Variants in MYH11 observed in about 807,000 individuals in gnomAD.
MYH11 encodes myosin-11.
A neutral mutation model predicts 246.6 loss-of-function variants in MYH11; 80 were observed. The ratio of observed to expected loss-of-function variants is 0.32; its 90% CI spans 0.27 to 0.39. MYH11 has a LOEUF of 0.39. Among genes scored for constraint, MYH11 ranks in the 10% least tolerant of loss-of-function variants. The pLI is 1.00. For missense variants in MYH11, 2,158 were observed against 2,546.8 expected (o/e 0.85, Z 3.29); for synonymous variants, 1,071 against 1,015.5 (o/e 1.05, Z -1.04).
In MYH11 at chr16:15,721,096, T is replaced by C. The variant is rs770360764; in HGVS notation, c.4579-45A>G. On this transcript the variant is annotated intron_variant, in intron 32 of 40. Coordinates refer to ENST00000300036, the MANE Select transcript of MYH11 (RefSeq NM_002474.3). ...CCCCATTCTATGAGGCTCAACTTCA[T>C]GAAGACGATTGAGAAACCCACCGTG... is the stretch of plus-strand genomic sequence containing the variant. 10 of 1,602,024 alleles carry C rather than the reference T, an allele frequency of 6.2e-6. No individual in the cohort carries two copies. The African/African-American group carries it at 6.7e-5, about 11-fold the overall frequency.
At chr16:15,720,033 A>T in intron 34 of MYH11, 118 bp downstream of exon 34, 1 of 1,390,982 alleles carries the variant, frequency 7.2e-7, no homozygotes. Flanking sequence ...ACCCCAGCTG[A>T]ACCCACACCA....
At chr16:15,732,036 A>G (rs763554718) in intron 27 of MYH11, among the ~76,000 whole-genome samples, 3 of 151,912 alleles carry the variant, frequency 2.0e-5, no homozygotes, top group Non-Finnish European at 4.4e-5. Flanking sequence ...ATCTCTGCTC[A>G]CTGCAACCTC....
intron 37 of MYH11, 74 bp downstream of exon 37, chr16:15,718,241 G>A: frequency 6.2e-7 from 1 of 1,600,734 alleles, no homozygotes; most frequent in Non-Finnish European, 8.5e-7. Flanking sequence ...CGCCACGCGT[G>A]TGTTGACTGG....
chr16:15,841,514 A>C (rs932232030), intron 1 of MYH11, among the ~76,000 whole-genome samples: 1 of 152,204 alleles, frequency 6.6e-6, no homozygotes, highest in Non-Finnish European at 1.5e-5. Flanking sequence ...TTTTCTATAC[A>C]AATTGTTCCT....
chr16:15,755,614 C>T (rs974993627), intron 14 of MYH11, among the ~76,000 whole-genome samples: 2 of 152,078 alleles, frequency 1.3e-5, no homozygotes, highest in Non-Finnish European at 2.9e-5. Context: ...CACAGCAAGA[C>T]CCCATATCTA....
Position 15,726,890 on chromosome 16 carries a change from C to T in MYH11, c.3816G>A (p.Glu1272=), listed in dbSNP as rs112990531. ...QELQSKCSDG[E]RARAELNDKV... ...TGTCATTGAGCTCCGCCCGGGCCCGCTCCCCATCGCTGCACTTGGACTGCA... is the reference window on the plus strand; with the variant it reads ...TGTCATTGAGCTCCGCCCGGGCCCGTTCCCCATCGCTGCACTTGGACTGCA... Residue 1272 remains glutamate (E), a synonymous_variant, in exon 28 of 41, where the codon GAG becomes GAA. Coordinates refer to ENST00000300036, the MANE Select transcript of MYH11 (RefSeq NM_002474.3). The T allele has an allele frequency of 6.5e-4, 1,052 of 1,612,518 alleles. 2 individuals carry two copies. The Middle Eastern group carries it at 0.014, about 21-fold the overall frequency.
chr16:15,824,666 A>G (rs574122074), intron 2 of MYH11, among the ~76,000 whole-genome samples: 1 of 152,306 alleles, frequency 6.6e-6, no homozygotes, highest in East Asian at 1.9e-4. Flanking sequence ...ATCCGCAGTC[A>G]TACAGAAACA....
At chr16:15,792,181 C>T (rs2042626387) in intron 4 of MYH11, 1 of 152,164 alleles carries the variant, frequency 6.6e-6, no homozygotes, top group Admixed American at 6.5e-5. Context: ...ACCTCAGCCT[C>T]CTGAGTAGCT....
At chr16:15,737,415 A>T (rs2041150664) in intron 25 of MYH11, 34 bp downstream of exon 25, 2 of 1,606,892 alleles carry the variant, frequency 1.2e-6, no homozygotes, top group East Asian at 4.5e-5. Context: ...GGATACATGG[A>T]CACACAGCAA....
At chr16:15,815,636 T>C (rs888445609) in intron 3 of MYH11, among the ~76,000 whole-genome samples, 4 of 152,108 alleles carry the variant, frequency 2.6e-5, no homozygotes, top group Non-Finnish European at 5.9e-5. Flanking sequence ...TTGCAACATT[T>C]CCCAGAATTT....
At chr16:15,832,759 C>T (rs1368217299) in intron 2 of MYH11, among the ~76,000 whole-genome samples, 1 of 151,980 alleles carries the variant, frequency 6.6e-6, no homozygotes, top group African/African-American at 2.4e-5. Flanking sequence ...GCCTCTGGCA[C>T]TGTCCCCTCC....
intron 27 of MYH11, among the ~76,000 whole-genome samples, chr16:15,729,178 A>G (rs1335483402): frequency 6.6e-6 from 1 of 152,032 alleles, no homozygotes; most frequent in Non-Finnish European, 1.5e-5. Context: ...ATGGGCTCCC[A>G]GAAACCTTAG....
chr16:15,844,697 A>T (rs576339977), intron 1 of MYH11, among the ~76,000 whole-genome samples: 3 of 152,154 alleles, frequency 2.0e-5, no homozygotes, highest in Admixed American at 2.0e-4. Context: ...CCCTTAAAAA[A>T]AATATCAGCC....
At chr16:15,802,083 A>G (rs2042900584) in intron 3 of MYH11, among the ~76,000 whole-genome samples, 1 of 152,212 alleles carries the variant, frequency 6.6e-6, no homozygotes, top group Non-Finnish European at 1.5e-5. Flanking sequence ...CTATGAACAC[A>G]TACAATCTTT....
intron 9 of MYH11, among the ~76,000 whole-genome samples, chr16:15,768,312 A>G (rs2042027813): frequency 1.3e-5 from 2 of 152,210 alleles, no homozygotes; most frequent in African/African-American, 4.8e-5. Flanking sequence ...TAGAAGCAGT[A>G]TAACCAGGCC....
intron 1 of MYH11, among the ~76,000 whole-genome samples, chr16:15,849,588 C>T (rs187420914): frequency 1.1e-3 from 172 of 152,102 alleles, no homozygotes; most frequent in African/African-American, 3.9e-3. Context: ...ATCACAGGCA[C>T]GCACCAGAAC....
chr16:15,754,324 G>T (rs984286338), intron 14 of MYH11, among the ~76,000 whole-genome samples: 1 of 152,116 alleles, frequency 6.6e-6, no homozygotes, highest in Non-Finnish European at 1.5e-5. Flanking sequence ...ACAGAAAAAG[G>T]ACATATAGGC....
intron 1 of MYH11, among the ~76,000 whole-genome samples, chr16:15,846,972 T>G (rs970146408): frequency 1.2e-4 from 18 of 152,082 alleles, no homozygotes; most frequent in Non-Finnish European, 2.5e-4. Context: ...TATATCCTCT[T>G]GAAAATTCAT....
intron 40 of MYH11, 40 bp downstream of exon 40, chr16:15,714,869 G>A: frequency 2.5e-6 from 4 of 1,611,074 alleles, no homozygotes; most frequent in Non-Finnish European, 3.4e-6. Context: ...CTTTTCTCTG[G>A]CCTGAGAGAC....
Sources: allele counts gnomAD v4.1 joint callset (sites outside exome capture counted in the v4.1 genomes callset), GRCh38; gene constraint gnomAD v4.1.1; transcripts MANE v1.5; gene names NCBI Gene and HGNC (gene_info 2026-07-23, HGNC 2026-07-21).